Variants in BIRC6 observed in about 807,000 individuals in gnomAD.
BIRC6 encodes the protein dual E2 ubiquitin-conjugating enzyme/E3 ubiquitin-protein ligase BIRC6.
BIRC6 carries 98 observed loss-of-function variants against 503.3 expected under a neutral mutation model. The ratio of observed to expected loss-of-function variants is 0.19; its 90% CI spans 0.17 to 0.23. BIRC6 has a LOEUF of 0.23. BIRC6 is among the 10% of genes least tolerant of loss of function. The pLI, the probability that BIRC6 is intolerant of heterozygous loss-of-function variation, is 1.00. For missense variants in BIRC6, 5,360 were observed against 5,806.0 expected, an observed-to-expected ratio of 0.92 and a Z score of 2.50; for synonymous variants, 2,240 against 2,078.7, an observed-to-expected ratio of 1.08 and a Z score of -2.11.
intron 6 of BIRC6, among the ~76,000 whole-genome samples, chr2:32,397,103 C>T (rs139735678): frequency 6.6e-4 from 101 of 152,282 alleles, no homozygotes; most frequent in African/African-American, 2.4e-3. Context: ...GTTTCTCTCT[C>T]TCCAAATATC....
At chr2:32,612,266 C>T (rs1175526367) in intron 73 of BIRC6, among the ~76,000 whole-genome samples, 1 of 152,168 alleles carries the variant, frequency 6.6e-6, no homozygotes, top group Admixed American at 6.6e-5. Context: ...TGCAGATTCT[C>T]CCTCAGCTGA....
At chr2:32,373,617 G>C (rs1420707646) in intron 1 of BIRC6, among the ~76,000 whole-genome samples, 2 of 152,110 alleles carry the variant, frequency 1.3e-5, no homozygotes, top group Non-Finnish European at 2.9e-5. Context: ...GGAGAAATTG[G>C]CACTCTTGTG....
At chr2:32,547,486 TTC>T in intron 63 of BIRC6, among the ~76,000 whole-genome samples, 1 of 152,366 alleles carries the variant, frequency 6.6e-6, no homozygotes, top group African/African-American at 2.4e-5. Flanking sequence ...TCTGTCTTCT[TTC>T]ATTTAGTATA....
intron 65 of BIRC6, among the ~76,000 whole-genome samples, chr2:32,553,234 A>AAAAAAAAAAAAAAAAAAAAAAAC: frequency 7.6e-6 from 1 of 131,606 alleles, no homozygotes; most frequent in Non-Finnish European, 1.6e-5. Context: ...AAAAAAAAAA[A>AAAAAAAAAAAAAAAAAAAAAAAC]GATAAATTCC....
intron 65 of BIRC6, among the ~76,000 whole-genome samples, chr2:32,573,990 C>G (rs2151009479): frequency 6.6e-6 from 1 of 151,672 alleles, no homozygotes; most frequent in South Asian, 2.1e-4. Flanking sequence ...TGATACTTTA[C>G]TTTTTTTTGT....
intron 1 of BIRC6, among the ~76,000 whole-genome samples, chr2:32,374,826 A>G (rs2036510016): frequency 6.6e-6 from 1 of 152,090 alleles, no homozygotes; most frequent in African/African-American, 2.4e-5. Context: ...GGCTGGTCTC[A>G]AACTCCTGGC....
intron 72 of BIRC6, among the ~76,000 whole-genome samples, chr2:32,608,476 A>C (rs921531215): frequency 2.6e-5 from 4 of 151,486 alleles, no homozygotes; most frequent in African/African-American, 9.7e-5. Flanking sequence ...GTGCAATGGC[A>C]TGATCTTGGC....
At position 32,481,463 on chromosome 2, in the gene BIRC6, A is replaced by G. The variant is rs752221611; in HGVS notation, c.7542+10A>G. 3.1e-6 allele frequency: 5 copies of G among 1,599,982 alleles called. No homozygotes were observed. The South Asian group carries it at 3.4e-5, about 11-fold the overall frequency. ...AGCCAAGGTTTTTAAGGTATGATACATGAGAATAGTCTTTGAAAGGAGGCC... is the reference window on the plus strand; with the variant it reads ...AGCCAAGGTTTTTAAGGTATGATACGTGAGAATAGTCTTTGAAAGGAGGCC... On this transcript the variant is annotated intron_variant, in intron 38 of 73. Coordinates refer to ENST00000421745, the MANE Select transcript of BIRC6 (RefSeq NM_016252.4).
chr2:32,409,446 G>A (rs2041614241), intron 9 of BIRC6, among the ~76,000 whole-genome samples: 2 of 152,202 alleles, frequency 1.3e-5, no homozygotes, highest in Non-Finnish European at 1.5e-5. Flanking sequence ...GTGAGCCACT[G>A]TGCCCGGCCT....
chr2:32,610,635 A>C (rs2062803433), intron 72 of BIRC6, among the ~76,000 whole-genome samples: 1 of 152,106 alleles, frequency 6.6e-6, no homozygotes, highest in Admixed American at 6.6e-5. Context: ...CTTATTTAGC[A>C]TTTGCCTTCT....
intron 55 of BIRC6, among the ~76,000 whole-genome samples, chr2:32,515,978 G>A (rs1191238844): frequency 1.3e-5 from 2 of 152,142 alleles, no homozygotes; most frequent in African/African-American, 4.8e-5. Flanking sequence ...ACTAGCAGAT[G>A]CATTGGGATG....
chr2:32,422,902 T>A (rs2043088660), intron 10 of BIRC6, among the ~76,000 whole-genome samples: 2 of 152,190 alleles, frequency 1.3e-5, no homozygotes, highest in African/African-American at 4.8e-5. Context: ...ATAAACGTCT[T>A]GTGTAAGTTC....
At position 32,574,160 on chromosome 2, in the gene BIRC6, C is replaced by CTT. The variant is rs1055060322; in HGVS notation, c.13145-978_13145-977dup. 7.6e-3 allele frequency among the ~76,000 whole-genome samples: 947 copies of CTT among 124,670 alleles called. 10 individuals are homozygous for CTT. The highest frequency in any genetic ancestry group is 0.023 in the African/African-American group (736 of 32,666). 81.8% of individuals were successfully genotyped at this position (124,670 alleles called of 152,430 possible). On this transcript the variant is annotated intron_variant, in intron 65 of 73. Transcript: ENST00000421745. ...TTTGAGAATCCAAGTATAACTTTTT[C>CTT]TTTTTTTTTTTTTTTTTTTGAGGCG...
intron 1 of BIRC6, among the ~76,000 whole-genome samples, chr2:32,374,901 C>T (rs555325150): frequency 7.9e-5 from 12 of 152,226 alleles, no homozygotes; most frequent in South Asian, 4.2e-4. Flanking sequence ...ACCATGCTGA[C>T]GCCACCTGGG....
At chr2:32,559,626 A>G (rs1372342877) in intron 65 of BIRC6, among the ~76,000 whole-genome samples, 1 of 151,766 alleles carries the variant, frequency 6.6e-6, no homozygotes, top group Non-Finnish European at 1.5e-5. Context: ...ACATTAATTT[A>G]CAATAAAAGC....
intron 10 of BIRC6, among the ~76,000 whole-genome samples, chr2:32,422,711 C>G (rs191153160): frequency 3.1e-3 from 470 of 152,212 alleles, no homozygotes; most frequent in South Asian, 6.0e-3. Context: ...CAAACTCTAA[C>G]TAGTTTTGGG....
rs1462372026 is a variant in BIRC6 at position 32,509,789 on chromosome 2, A to G, written c.10032A>G (p.Leu3344=). Residue 3344 remains leucine (L), a synonymous_variant, in exon 52 of 74, where the codon CTA becomes CTG. Coordinates refer to ENST00000421745, the MANE Select transcript of BIRC6 (RefSeq NM_016252.4). Reference sequence around the variant, plus strand: ...ATTGCCTTACTCACATAAGTGATCTAGAAGGAATGATGGCAAGTGCAGCTG... The same window carrying G: ...ATTGCCTTACTCACATAAGTGATCTGGAAGGAATGATGGCAAGTGCAGCTG... ...LHHCLTHISD[L]EGMMASAAAP... 3.1e-6 allele frequency: 5 copies of G among 1,613,884 alleles called. No individual in the cohort carries two copies. In the East Asian group the frequency reaches 8.9e-5, roughly 29 times the overall value.
At chr2:32,517,070 C>T (rs1371335717) in intron 55 of BIRC6, among the ~76,000 whole-genome samples, 1 of 152,058 alleles carries the variant, frequency 6.6e-6, no homozygotes, top group Non-Finnish European at 1.5e-5. Context: ...GTGGCTTATA[C>T]CTATAATCCC....
At chr2:32,503,446 G>A (rs905764447) in intron 49 of BIRC6, among the ~76,000 whole-genome samples, 19 of 151,652 alleles carry the variant, frequency 1.3e-4, no homozygotes, top group East Asian at 5.8e-4. Flanking sequence ...GTTTTGAGAC[G>A]GAGTTTTGCT....
Sources: gnomAD v4.1 joint callset for allele counts (sites outside exome capture counted in the v4.1 genomes callset) on GRCh38, gnomAD v4.1.1 for gene constraint, MANE v1.5 for transcripts, NCBI Gene and HGNC (gene_info 2026-07-23, HGNC 2026-07-21) for gene names.